TLE1: variants seen among roughly 807,000 people sequenced by gnomAD.
TLE1 encodes transducin-like enhancer protein 1.
A neutral mutation model predicts 89.8 loss-of-function variants in TLE1; 21 were observed. The observed-to-expected ratio is 0.23, with a 90% CI of 0.17 to 0.34. TLE1 has a LOEUF of 0.34. Ranked by LOEUF, TLE1 falls within the 10% of genes least tolerant of loss-of-function variation. The pLI is 1.00. For missense variants in TLE1, 795 were observed against 1,031.2 expected (o/e 0.77, Z 3.14); for synonymous variants, 447 against 407.6 (o/e 1.10, Z -1.16).
intron 4 of TLE1, among the ~76,000 whole-genome samples, chr9:81,655,764 T>C (rs1278970908): frequency 7.0e-6 from 1 of 143,516 alleles, no homozygotes; most frequent in Non-Finnish European, 1.5e-5. Flanking sequence ...AAAGACAAAG[T>C]AGAAATCCCA....
chr9:81,688,072 A>G, intron 1 of TLE1, 145 bp downstream of exon 1: 4 of 987,930 alleles, frequency 4.0e-6, no homozygotes, highest in Non-Finnish European at 6.1e-6. Context: ...CACCCCAGGA[A>G]GAGAGGGCCC....
In TLE1 at chr9:81,676,052, T is replaced by C. The variant is rs189224882; in HGVS notation, c.234+9624A>G. 8.5e-3 allele frequency among the ~76,000 whole-genome samples: 1,300 copies of C among 152,218 alleles called. 22 individuals are homozygous for C. Among genetic ancestry groups the C allele is most frequent in the African/African-American group, 0.029 (1,222 of 41,510 alleles). ...TTTTAATCTGAATTCCATGGACTTG[T>C]TGAAGGATCTTGAGATGCACACAAA... On this transcript the variant is annotated intron_variant, in intron 4 of 19. Coordinates refer to ENST00000376499, the MANE Select transcript of TLE1 (RefSeq NM_005077.5).
At position 81,664,830 on chromosome 9, in the gene TLE1, T is replaced by C. The variant is rs190876531; in HGVS notation, c.235-10794A>G. ...TTGTGCTTGTTAATACACAGATGAC[T>C]AGGCCCACCTGCGGAGTTCCTGTTG... is the stretch of plus-strand genomic sequence containing the variant. On this transcript the variant is annotated intron_variant, in intron 4 of 19. Transcript: ENST00000376499. Among the ~76,000 whole-genome samples, 33 of 152,314 alleles carry C rather than the reference T, an allele frequency of 2.2e-4. No homozygotes were observed. The East Asian group carries it at 6.2e-3, about 29-fold the overall frequency.
chr9:81,593,232 A>T lies in TLE1; in HGVS notation c.1374T>A (p.Pro458=). 6.2e-7 allele frequency: 1 copy of T among 1,614,156 alleles called. No individual in the cohort carries two copies. Among genetic ancestry groups the T allele is most frequent in the Non-Finnish European group, 8.5e-7 (1 of 1,179,998 alleles). Residue 458 remains proline, a synonymous_variant, in exon 15 of 20, where the codon CCT becomes CCA. Coordinates refer to ENST00000376499, the MANE Select transcript of TLE1 (RefSeq NM_005077.5). ...TGAGGGCGTCGGGGGGAAAAGGGAC[A>T]GGCTGCATCTGACCGTCTGCAGTAA... The part of the protein sequence containing the change: ...FHVTADGQMQ[P]VPFPPDALIG...
intron 8 of TLE1, among the ~76,000 whole-genome samples, chr9:81,627,745 CAG>C (rs1290791576): frequency 6.6e-6 from 1 of 152,110 alleles, no homozygotes; most frequent in Non-Finnish European, 1.5e-5. Flanking sequence ...TAGGCAAAAA[CAG>C]TACCTCCTAG....
At chr9:81,595,741 C>A (rs1028677625) in intron 14 of TLE1, among the ~76,000 whole-genome samples, 2 of 150,302 alleles carry the variant, frequency 1.3e-5, no homozygotes, top group African/African-American at 4.9e-5. Context: ...ATGGCGTGAA[C>A]CTGGGAGGCG....
At chr9:81,616,589 T>C in intron 10 of TLE1, 57 bp downstream of exon 10, 1 of 1,594,710 alleles carries the variant, frequency 6.3e-7, no homozygotes, top group Non-Finnish European at 8.6e-7. Context: ...GTTAGTTTTT[T>C]TTCATAACAT....
intron 4 of TLE1, 55 bp downstream of exon 4, chr9:81,685,621 A>G: frequency 6.3e-7 from 1 of 1,578,444 alleles, no homozygotes. Flanking sequence ...AGCCAGTATT[A>G]TTAAATCATA....
intron 4 of TLE1, among the ~76,000 whole-genome samples, chr9:81,668,204 G>C (rs571936262): frequency 2.6e-5 from 4 of 151,740 alleles, no homozygotes; most frequent in Non-Finnish European, 5.9e-5. Flanking sequence ...AAGGAAGTTG[G>C]AAGTTGTGGT....
chr9:81,674,012 T>A (rs1832583581), intron 4 of TLE1, among the ~76,000 whole-genome samples: 1 of 152,142 alleles, frequency 6.6e-6, no homozygotes, highest in Non-Finnish European at 1.5e-5. Context: ...AGCAACCTTT[T>A]TATTTTCACT....
intron 14 of TLE1, among the ~76,000 whole-genome samples, chr9:81,608,491 G>A (rs1823264773): frequency 6.6e-6 from 1 of 152,174 alleles, no homozygotes; most frequent in Non-Finnish European, 1.5e-5. Flanking sequence ...TTCAGCCTGG[G>A]CAACAGAGCA....
intron 9 of TLE1, among the ~76,000 whole-genome samples, chr9:81,619,176 ATGGGACATCAGCTC>A (rs1824924847): frequency 6.6e-6 from 1 of 152,350 alleles, no homozygotes; most frequent in Admixed American, 6.5e-5. Flanking sequence ...AAGTACATGC[ATGGGACATCAGCTC>A]TGGGCAACAG....
At chr9:81,658,496 AG>A (rs1255678773) in intron 4 of TLE1, among the ~76,000 whole-genome samples, 4 of 152,204 alleles carry the variant, frequency 2.6e-5, no homozygotes, top group African/African-American at 9.6e-5. Flanking sequence ...TCCGTCTGCC[AG>A]GTCTCTAAAC....
rs1047875840 is a variant in TLE1 at position 81,687,271 on chromosome 9, C to CGGCT, written c.125+59_125+62dup. On this transcript the variant is annotated intron_variant, in intron 2 of 19. Coordinates refer to ENST00000376499, the MANE Select transcript of TLE1 (RefSeq NM_005077.5). ...ACTAAGTACAGGCGCCGCCGCCACC[C>CGGCT]GGCTGGGTGCAAGGGGCACCGGGAC... is the stretch of plus-strand genomic sequence containing the variant. 1.5e-5 allele frequency: 22 copies of CGGCT among 1,428,816 alleles called. No homozygotes were observed. The African/African-American group carries it at 2.3e-4, about 15-fold the overall frequency. 88.5% of individuals were successfully genotyped at this position (1,428,816 alleles called of 1,614,324 possible). A position where few individuals can be genotyped will look rare whatever the true frequency, so the allele number is the denominator to read the frequency against.
intron 7 of TLE1, 184 bp from the exon 8 acceptor site, chr9:81,633,548 G>A (rs1826977297): frequency 2.7e-6 from 2 of 735,048 alleles, no homozygotes; most frequent in Non-Finnish European, 2.2e-6. Context: ...ACAGTATTTT[G>A]TAAACATAAG....
At position 81,635,844 on chromosome 9, in the gene TLE1, A is replaced by C. The variant is rs1213627429; in HGVS notation, c.373-1543T>G. 2.6e-5 allele frequency among the ~76,000 whole-genome samples: 4 copies of C among 152,166 alleles called. 1 individual carries two copies. Among genetic ancestry groups the C allele is most frequent in the Non-Finnish European group, 5.9e-5 (4 of 68,022 alleles). ...GTGGAAATTTTACAATGAATTTTCA[A>C]GCACTCCAACTTTTCTAAAAATGTT... On this transcript the variant is annotated intron_variant, in intron 6 of 19. Coordinates refer to ENST00000376499, the MANE Select transcript of TLE1 (RefSeq NM_005077.5).
intron 6 of TLE1, among the ~76,000 whole-genome samples, chr9:81,646,461 G>A (rs1010141180): frequency 6.6e-6 from 1 of 152,030 alleles, no homozygotes; most frequent in Admixed American, 6.6e-5. Flanking sequence ...GTCTTCTCTC[G>A]GTAGCAGGAT....
intron 4 of TLE1, among the ~76,000 whole-genome samples, chr9:81,678,556 G>C (rs62576204): frequency 1.8e-4 from 27 of 152,070 alleles, no homozygotes; most frequent in Admixed American, 1.7e-3. Flanking sequence ...GCTCACGCCT[G>C]TTAATTCCAG....
chr9:81,673,500 G>A (rs535473892), intron 4 of TLE1, among the ~76,000 whole-genome samples: 1 of 152,204 alleles, frequency 6.6e-6, no homozygotes, highest in South Asian at 2.1e-4. Context: ...TAAAGGGACT[G>A]CTATTTAGAT....
Sources: allele counts gnomAD v4.1 joint callset (sites outside exome capture counted in the v4.1 genomes callset), GRCh38; gene constraint gnomAD v4.1.1; transcripts MANE v1.5; gene names NCBI Gene and HGNC (gene_info 2026-07-23, HGNC 2026-07-21).